Variants in CLTB observed in about 807,000 individuals in gnomAD.
CLTB encodes the protein clathrin light chain B.
Under a neutral mutation model 30.5 loss-of-function variants are expected in CLTB, and 10 were observed. That is an observed-to-expected ratio of 0.33 (90% CI 0.20 to 0.56). The LOEUF is 0.56. CLTB is among the 20% of genes least tolerant of loss of function. CLTB has a pLI of 0.91. For missense variants in CLTB, 261 were observed against 308.3 expected, an observed-to-expected ratio of 0.85 and a Z score of 1.15; for synonymous variants, 102 against 120.3, an observed-to-expected ratio of 0.85 and a Z score of 1.00.
chr5:176,412,074 G>A (rs1015031301), intron 1 of CLTB, among the ~76,000 whole-genome samples: 4 of 151,750 alleles, frequency 2.6e-5, no homozygotes, highest in East Asian at 1.9e-4. Context: ...CACTCGGGAG[G>A]CTGAGGCAGG....
intron 2 of CLTB, among the ~76,000 whole-genome samples, chr5:176,398,643 C>T (rs559736844): frequency 6.7e-6 from 1 of 150,300 alleles, no homozygotes; most frequent in African/African-American, 2.4e-5. Context: ...ACCCGGGAGG[C>T]AGAGGTTGCA....
chr5:176,416,140 C>T, intron 1 of CLTB, 37 bp downstream of exon 1: 1 of 1,477,888 alleles, frequency 6.8e-7, no homozygotes. Flanking sequence ...CCCGGGTGCG[C>T]GCCCTGAGCC....
intron 2 of CLTB, chr5:176,406,307 T>G (rs1757118131): frequency 9.5e-7 from 1 of 1,055,094 alleles, no homozygotes. Context: ...GAGGCGACAG[T>G]CAGGGCCAGG....
chr5:176,404,669 A>G (rs1456659375), intron 2 of CLTB, among the ~76,000 whole-genome samples: 2 of 152,160 alleles, frequency 1.3e-5, no homozygotes, highest in Non-Finnish European at 1.5e-5. Context: ...GCCACCTGCC[A>G]CCAGCTGCAA....
At chr5:176,395,131 T>C (rs1200293769) in intron 5 of CLTB, among the ~76,000 whole-genome samples, 1 of 147,692 alleles carries the variant, frequency 6.8e-6, no homozygotes, top group Non-Finnish European at 1.5e-5. Flanking sequence ...CCTGTAGAGC[T>C]TCAGCCACTG....
chr5:176,402,498 G>C (rs1042138244), intron 2 of CLTB, among the ~76,000 whole-genome samples: 1 of 152,102 alleles, frequency 6.6e-6, no homozygotes, highest in Non-Finnish European at 1.5e-5. Flanking sequence ...CTAGAATCGA[G>C]GGTCTACAGC....
intron 1 of CLTB, among the ~76,000 whole-genome samples, chr5:176,411,964 C>T (rs1757449545): frequency 1.3e-5 from 2 of 152,022 alleles, no homozygotes; most frequent in African/African-American, 4.8e-5. Flanking sequence ...ATCACGAAGT[C>T]AGGAGATCGA....
intron 2 of CLTB, among the ~76,000 whole-genome samples, chr5:176,408,681 C>T (rs1260499045): frequency 6.6e-6 from 1 of 152,168 alleles, no homozygotes; most frequent in Non-Finnish European, 1.5e-5. Flanking sequence ...CACTATTGCC[C>T]CAGCTAATTT....
At chr5:176,402,593 C>T (rs1756880893) in intron 2 of CLTB, among the ~76,000 whole-genome samples, 1 of 152,236 alleles carries the variant, frequency 6.6e-6, no homozygotes. Flanking sequence ...CCCTCCCTGC[C>T]ATGAGGGCAG....
In CLTB at chr5:176,393,380, C is replaced by T. The variant is rs1756344530; in HGVS notation, c.519-435G>A. 6.6e-6 allele frequency among the ~76,000 whole-genome samples: 1 copy of T among 152,224 alleles called. No homozygotes were observed. The highest frequency in any genetic ancestry group is 2.4e-5 in the African/African-American group (1 of 41,452). On this transcript the variant is annotated intron_variant, in intron 5 of 5. Coordinates refer to ENST00000310418, the MANE Select transcript of CLTB (RefSeq NM_007097.5). The surrounding 1 kb of genome is among the most constrained non-coding windows in gnomAD (Gnocchi z 4.4). ...TATTTCACCATTTCCAAAAACTTGG[C>T]AGAAGTAGGACACTGACTAACCATC...
chr5:176,406,730 G>A (rs1330951634), intron 2 of CLTB: 24 of 1,279,316 alleles, frequency 1.9e-5, no homozygotes, highest in Non-Finnish European at 2.4e-5. Flanking sequence ...AGGAAGAAAG[G>A]AAGCACAAAA....
chr5:176,406,208 G>T, intron 2 of CLTB: 1 of 1,001,244 alleles, frequency 1.0e-6, no homozygotes, highest in Non-Finnish European at 1.2e-6. Flanking sequence ...TGGCAACCAG[G>T]AGAGATCACC....
At chr5:176,405,329 A>G (rs1020310779) in intron 2 of CLTB, among the ~76,000 whole-genome samples, 9 of 151,956 alleles carry the variant, frequency 5.9e-5, no homozygotes, top group African/African-American at 2.2e-4. Flanking sequence ...TCTCCATAAA[A>G]AAATTAAAAA....
At chr5:176,410,075 C>G (rs1757350453) in intron 2 of CLTB, among the ~76,000 whole-genome samples, 182 bp downstream of exon 2, 1 of 152,204 alleles carries the variant, frequency 6.6e-6, no homozygotes, top group East Asian at 1.9e-4. Flanking sequence ...GGTCCTTATT[C>G]TTCTTCCCTG....
At chr5:176,396,606 TAGAGAG>T in intron 4 of CLTB, 74 bp from the exon 5 acceptor site, 2 of 980,120 alleles carry the variant, frequency 2.0e-6, no homozygotes, top group African/African-American at 1.6e-5. Flanking sequence ...GGCAGAAGGT[TAGAGAG>T]AGAGAGAGAG....
At chr5:176,412,093 G>C (rs1056462146) in intron 1 of CLTB, among the ~76,000 whole-genome samples, 2 of 150,832 alleles carry the variant, frequency 1.3e-5, no homozygotes, top group African/African-American at 4.9e-5. Flanking sequence ...GGAGAATGGT[G>C]TGAACCCGGG....
chr5:176,396,067 G>C (rs1581424203), intron 5 of CLTB, among the ~76,000 whole-genome samples: 2 of 152,130 alleles, frequency 1.3e-5, no homozygotes. Context: ...CCCAGGAGGT[G>C]GAGGTCGCAG....
At position 176,408,758 on chromosome 5, in the gene CLTB, T is replaced by A. The variant is rs188653631; in HGVS notation, c.234+1499A>T. Among the ~76,000 whole-genome samples the A allele has an allele frequency of 1.3e-3, 203 of 152,330 alleles. 2 individuals are homozygous for A. The highest frequency in any genetic ancestry group is 1.9e-3 in the Non-Finnish European group (130 of 68,036). On this transcript the variant is annotated intron_variant, in intron 2 of 5. Coordinates refer to ENST00000310418, the MANE Select transcript of CLTB (RefSeq NM_007097.5). ...TTGGTCTCAAACTCCTGGATTCACA[T>A]GATCTTCTCACTTTGGCCTCCCAAA...
chr5:176,403,890 A>G (rs1211353660), intron 2 of CLTB, among the ~76,000 whole-genome samples: 3 of 152,036 alleles, frequency 2.0e-5, no homozygotes, highest in Admixed American at 6.6e-5. Context: ...CCTCACAGGT[A>G]GCTGGGATTA....
Sources: allele counts gnomAD v4.1 joint callset (sites outside exome capture counted in the v4.1 genomes callset), GRCh38; gene constraint gnomAD v4.1.1; non-coding constraint Gnocchi (gnomAD v3.1); transcripts MANE v1.5; gene names NCBI Gene and HGNC (gene_info 2026-07-23, HGNC 2026-07-21).